The following CNTN4 variants were observed in gnomAD, a reference collection of about 807,000 sequenced individuals.
CNTN4 encodes the protein contactin 4.
CNTN4 carries 77 observed loss-of-function variants against 122.5 expected under a neutral mutation model. That is an observed-to-expected ratio of 0.63 (90% CI 0.52 to 0.76). CNTN4 has a LOEUF of 0.76. Ranked by LOEUF, CNTN4 falls within the 30% of genes least tolerant of loss-of-function variation. CNTN4 has a pLI of 0.00. For synonymous variants in CNTN4, 512 were observed against 447.0 expected (o/e 1.15, Z -1.83); for missense variants, 1,256 against 1,259.1 (o/e 1.00, Z 0.04).
chr3:2,934,124 TTACCTTGGGCAGAG>T (rs1325673245), intron 13 of CNTN4, among the ~76,000 whole-genome samples: 1 of 152,130 alleles, frequency 6.6e-6, no homozygotes, highest in African/African-American at 2.4e-5. Flanking sequence ...AACCTTAACG[TTACCTTGGGCAGAG>T]TACTTTTAGG....
intron 4 of CNTN4, among the ~76,000 whole-genome samples, chr3:2,575,993 C>T (rs897387261): frequency 1.3e-5 from 2 of 151,692 alleles, no homozygotes; most frequent in East Asian, 1.9e-4. Context: ...TGCCACCATG[C>T]CTGGCTAATT....
Position 2,242,027 on chromosome 3 carries a change from C to T in CNTN4, c.-144-97151C>T, listed in dbSNP as rs576009787. Among the ~76,000 whole-genome samples the T allele has an allele frequency of 1.1e-4, 17 of 152,232 alleles. No homozygotes were observed. The East Asian group carries it at 3.3e-3, about 29-fold the overall frequency. The stretch of plus-strand genomic sequence containing the variant: ...GAGAACAAAAAGAGCATGTCTGCAT[C>T]TGCATACATGGTCTTAGGTATTGGG... On this transcript the variant is annotated intron_variant, in intron 2 of 24. Coordinates refer to ENST00000418658, the MANE Select transcript of CNTN4 (RefSeq NM_175607.3).
At chr3:2,962,706 C>A (rs1203232260) in intron 13 of CNTN4, among the ~76,000 whole-genome samples, 1 of 152,164 alleles carries the variant, frequency 6.6e-6, no homozygotes, top group Admixed American at 6.5e-5. Flanking sequence ...AAGGGAGGGC[C>A]TCTGACCACA....
chr3:2,610,355 A>C (rs2081428012), intron 4 of CNTN4, among the ~76,000 whole-genome samples: 1 of 152,190 alleles, frequency 6.6e-6, no homozygotes, highest in Non-Finnish European at 1.5e-5. Context: ...TCCTGCAAAC[A>C]CTTTTTCTAA....
At chr3:2,423,519 T>C (rs538075798) in intron 3 of CNTN4, among the ~76,000 whole-genome samples, 1 of 151,766 alleles carries the variant, frequency 6.6e-6, no homozygotes. Context: ...TGTGGAATCC[T>C]TTTTGCCCAA....
At chr3:2,726,043 A>C (rs1337889092) in intron 4 of CNTN4, among the ~76,000 whole-genome samples, 2 of 152,158 alleles carry the variant, frequency 1.3e-5, no homozygotes, top group Non-Finnish European at 2.9e-5. Context: ...TTGGGACGGA[A>C]CTTGTTCCAG....
intron 3 of CNTN4, among the ~76,000 whole-genome samples, chr3:2,435,704 T>C (rs1011708795): frequency 6.6e-6 from 1 of 152,328 alleles, no homozygotes; most frequent in African/African-American, 2.4e-5. Flanking sequence ...ATCTATTACA[T>C]ACAAGGGATG....
At chr3:2,347,835 A>T (rs139787695) in intron 3 of CNTN4, among the ~76,000 whole-genome samples, 106 of 151,102 alleles carry the variant, frequency 7.0e-4, no homozygotes, top group African/African-American at 2.3e-3. Flanking sequence ...TAATTTTTAG[A>T]AGCTCTTTTT....
At chr3:2,559,204 T>G (rs1275330739) in intron 3 of CNTN4, among the ~76,000 whole-genome samples, 1 of 152,228 alleles carries the variant, frequency 6.6e-6, no homozygotes, top group African/African-American at 2.4e-5. Context: ...TACTAAGGAT[T>G]CTGGATCCAT....
At chr3:2,986,272 C>T (rs1018621335) in intron 13 of CNTN4, among the ~76,000 whole-genome samples, 1 of 152,156 alleles carries the variant, frequency 6.6e-6, no homozygotes, top group Admixed American at 6.5e-5. Context: ...ATCAGGAAAC[C>T]TCTAGGAACC....
chr3:2,440,748 ATAT>A (rs1400892271), intron 3 of CNTN4, among the ~76,000 whole-genome samples: 1 of 150,408 alleles, frequency 6.6e-6, no homozygotes. Context: ...ATGAATGAAT[ATAT>A]GTGTGAATAT....
At chr3:2,448,005 G>A (rs1289771873) in intron 3 of CNTN4, among the ~76,000 whole-genome samples, 3 of 152,120 alleles carry the variant, frequency 2.0e-5, no homozygotes, top group Non-Finnish European at 4.4e-5. Context: ...AAAAGCAAAT[G>A]CCCTTAGCTA....
intron 3 of CNTN4, among the ~76,000 whole-genome samples, chr3:2,356,127 C>G (rs1434505777): frequency 6.6e-6 from 1 of 152,038 alleles, no homozygotes; most frequent in African/African-American, 2.4e-5. Context: ...GTGGGGAGAA[C>G]AGTTGTTACT....
At chr3:2,525,090 A>G (rs1201934387) in intron 3 of CNTN4, among the ~76,000 whole-genome samples, 1 of 152,116 alleles carries the variant, frequency 6.6e-6, no homozygotes, top group Non-Finnish European at 1.5e-5. Flanking sequence ...GTCACTGAAT[A>G]TGACGACCTG....
At chr3:2,916,798 C>T (rs1203577270) in intron 12 of CNTN4, among the ~76,000 whole-genome samples, 1 of 150,310 alleles carries the variant, frequency 6.7e-6, no homozygotes, top group Non-Finnish European at 1.5e-5. Context: ...GGCCCCCCAC[C>T]TCCCAGACGG....
At chr3:2,688,951 G>T (rs2085581268) in intron 4 of CNTN4, among the ~76,000 whole-genome samples, 1 of 152,158 alleles carries the variant, frequency 6.6e-6, no homozygotes, top group African/African-American at 2.4e-5. Context: ...CGTCCTTACA[G>T]AGGTCTAATG....
intron 3 of CNTN4, among the ~76,000 whole-genome samples, chr3:2,429,498 A>G (rs900534858): frequency 6.6e-6 from 1 of 152,144 alleles, no homozygotes; most frequent in Non-Finnish European, 1.5e-5. Flanking sequence ...CCCTACTGGG[A>G]GGTGCCTCCC....
At chr3:2,916,341 G>A (rs1187779029) in intron 12 of CNTN4, among the ~76,000 whole-genome samples, 9 of 150,438 alleles carry the variant, frequency 6.0e-5, no homozygotes, top group South Asian at 4.3e-4. Context: ...TAGGCAGAGG[G>A]CCCTGCGGCC....
chr3:2,960,294 A>G (rs2124983109), intron 13 of CNTN4, among the ~76,000 whole-genome samples: 1 of 152,336 alleles, frequency 6.6e-6, no homozygotes, highest in African/African-American at 2.4e-5. Flanking sequence ...CCCCTTTAAA[A>G]GAGCATTTCT....
Sources: allele counts gnomAD v4.1 joint callset (sites outside exome capture counted in the v4.1 genomes callset), GRCh38; gene constraint gnomAD v4.1.1; transcripts MANE v1.5; gene names NCBI Gene and HGNC (gene_info 2026-07-23, HGNC 2026-07-21).